BCR: variants seen among roughly 807,000 people sequenced by gnomAD.
The protein encoded by BCR is BCR activator of RhoGEF and GTPase.
In BCR, 58 loss-of-function variants were observed where a neutral mutation model predicts 138.6. The observed-to-expected ratio is 0.42, with a 90% CI of 0.34 to 0.52. BCR has a LOEUF of 0.52. Among genes scored for constraint, BCR ranks in the 20% least tolerant of loss-of-function variants. The pLI is 0.06. For synonymous variants in BCR, 786 were observed against 730.1 expected (o/e 1.08, Z -1.23); for missense variants, 1,599 against 1,727.2 (o/e 0.93, Z 1.32).
chr22:23,303,315 G>C (rs2073923195), intron 16 of BCR, among the ~76,000 whole-genome samples: 1 of 152,186 alleles, frequency 6.6e-6, no homozygotes, highest in Admixed American at 6.5e-5. Flanking sequence ...ACGTCACAGG[G>C]GACGTGATGG....
At chr22:23,193,312 T>C (rs2267011) in intron 1 of BCR, among the ~76,000 whole-genome samples, 44,149 of 152,174 alleles carry the variant, frequency 0.29, 6,512 homozygotes, top group East Asian at 0.35. Context: ...CACTGTGTGG[T>C]CTTGCACAGG....
At chr22:23,259,045 C>T (rs1327169695) in intron 2 of BCR, among the ~76,000 whole-genome samples, 2 of 152,244 alleles carry the variant, frequency 1.3e-5, no homozygotes, top group African/African-American at 4.8e-5. Context: ...TGAGGTGCTG[C>T]CATGGGCATG....
At chr22:23,253,676 C>T (rs747393477) in intron 1 of BCR, 123 bp from the exon 2 acceptor site, 11 of 1,159,502 alleles carry the variant, frequency 9.5e-6, no homozygotes, top group Admixed American at 4.8e-5. Flanking sequence ...TCAGCATACC[C>T]GAGGTCGTTG....
At chr22:23,231,425 G>T (rs1388054031) in intron 1 of BCR, among the ~76,000 whole-genome samples, 1 of 151,704 alleles carries the variant, frequency 6.6e-6, no homozygotes, top group Non-Finnish European at 1.5e-5. Context: ...AAGATTGCTT[G>T]AGCCCCAGGA....
rs777984327 is a variant in BCR at position 23,180,936 on chromosome 22, C to A, written c.-25C>A. On this transcript the variant is annotated 5_prime_UTR_variant, in exon 1 of 23. Coordinates refer to ENST00000305877, the MANE Select transcript of BCR (RefSeq NM_004327.4). ...GAGACGGGCCCCGCGCGCAGCCCGGCGGCGCAGGTAAGGCCGGCCGCGCCA... is the reference window on the plus strand; with the variant it reads ...GAGACGGGCCCCGCGCGCAGCCCGGAGGCGCAGGTAAGGCCGGCCGCGCCA... 160 of 1,169,446 alleles carry A rather than the reference C, an allele frequency of 1.4e-4. No homozygotes were observed. Among genetic ancestry groups the A allele is most frequent in the Non-Finnish European group, 1.6e-4 (152 of 938,658 alleles). 72.4% of individuals were successfully genotyped at this position (1,169,446 alleles called of 1,614,324 possible).
intron 1 of BCR, among the ~76,000 whole-genome samples, chr22:23,247,706 G>A (rs1240823110): frequency 5.9e-5 from 9 of 152,208 alleles, no homozygotes; most frequent in Admixed American, 4.6e-4. Flanking sequence ...TCACATGGCC[G>A]ATGGTCTGAG....
chr22:23,287,996 G>C, intron 11 of BCR, 101 bp from the exon 12 acceptor site: 1 of 1,158,080 alleles, frequency 8.6e-7, no homozygotes, highest in Non-Finnish European at 1.3e-6. Flanking sequence ...GCTCCAGCCG[G>C]CTGGAGATAC....
chr22:23,285,252 A>G (rs541542239), intron 10 of BCR, 51 bp downstream of exon 10: 2 of 1,558,216 alleles, frequency 1.3e-6, no homozygotes, highest in East Asian at 2.3e-5. Flanking sequence ...GAGTGGCAGC[A>G]GCCCCCGCAC....
intron 1 of BCR, among the ~76,000 whole-genome samples, chr22:23,219,851 T>A: frequency 6.6e-6 from 1 of 152,352 alleles, no homozygotes; most frequent in Middle Eastern, 3.4e-3. Flanking sequence ...CCGACCTGCA[T>A]GTAACCTGTT....
chr22:23,287,388 T>C, intron 11 of BCR, 110 bp downstream of exon 11: 1 of 1,417,938 alleles, frequency 7.1e-7, no homozygotes, highest in East Asian at 2.5e-5. Flanking sequence ...GAGAGAGGCA[T>C]GTCCGGCATG....
Position 23,235,541 on chromosome 22 carries a change from C to T in BCR, c.1280-18258C>T, listed in dbSNP as rs1468936199. Among the ~76,000 whole-genome samples, 4 of 109,352 alleles carry T rather than the reference C, an allele frequency of 3.7e-5. 1 individual carries two copies. The highest frequency in any genetic ancestry group is 6.5e-4 in the South Asian group (2 of 3,072). 71.7% of individuals were successfully genotyped at this position (109,352 alleles called of 152,430 possible). A position where few individuals can be genotyped will look rare whatever the true frequency, so the allele number is the denominator to read the frequency against. The stretch of plus-strand genomic sequence containing the variant: ...TAGATGTCCAGGCCCATGTGTTCCA[C>T]GGCATAATGTGGGGACTGCAGAGAG... On this transcript the variant is annotated intron_variant, in intron 1 of 22. Transcript: ENST00000305877.
intron 1 of BCR, among the ~76,000 whole-genome samples, chr22:23,188,681 G>A (rs560671956): frequency 3.3e-5 from 5 of 152,220 alleles, no homozygotes; most frequent in Admixed American, 1.3e-4. Flanking sequence ...GTCAAGACTC[G>A]GGGTGGTGGT....
chr22:23,244,332 A>G lies in BCR; in HGVS notation c.1280-9467A>G, dbSNP rs534282321. On this transcript the variant is annotated intron_variant, in intron 1 of 22. Coordinates refer to ENST00000305877, the MANE Select transcript of BCR (RefSeq NM_004327.4). ...TCTGCAAAAAGACTCTTTCCAGGTA[A>G]GGTCGCATTCGCAGATTCTAGGGTT... is the stretch of plus-strand genomic sequence containing the variant. Among the ~76,000 whole-genome samples the G allele has an allele frequency of 3.3e-5, 5 of 152,300 alleles. No homozygotes were observed. In the East Asian group the frequency reaches 9.6e-4, roughly 29 times the overall value.
At chr22:23,201,340 T>A (rs950133290) in intron 1 of BCR, among the ~76,000 whole-genome samples, 1 of 152,244 alleles carries the variant, frequency 6.6e-6, no homozygotes, top group Non-Finnish European at 1.5e-5. Context: ...CTGGCAGTTG[T>A]AGGACTGAGT....
intron 1 of BCR, among the ~76,000 whole-genome samples, chr22:23,224,731 A>C (rs1019069831): frequency 1.3e-5 from 2 of 152,054 alleles, no homozygotes; most frequent in African/African-American, 4.8e-5. Context: ...AGAATACAAA[A>C]ATCAGCCAGG....
At chr22:23,305,020 A>G (rs2073942165) in intron 16 of BCR, among the ~76,000 whole-genome samples, 2 of 152,000 alleles carry the variant, frequency 1.3e-5, no homozygotes, top group Admixed American at 1.3e-4. Flanking sequence ...GGGCTGAGGC[A>G]AGAGAATGGT....
chr22:23,272,368 G>A (rs2073519143), intron 6 of BCR, among the ~76,000 whole-genome samples: 1 of 152,232 alleles, frequency 6.6e-6, no homozygotes, highest in Non-Finnish European at 1.5e-5. Context: ...AATGAAAATA[G>A]CGATGAGTGC....
chr22:23,315,466 G>A lies in BCR; in HGVS notation c.3760G>A (p.Ala1254Thr). ...QVLLYFLQLE[A>T]IPAPDSKRQS... Reference sequence around the variant, plus strand: ...GCTGCTGTACTTCCTGCAGCTGGAGGCCATCCCTGCCCCGGACAGCAAGAG... The same window carrying A: ...GCTGCTGTACTTCCTGCAGCTGGAGACCATCCCTGCCCCGGACAGCAAGAG... Residue 1254 changes from alanine to threonine, a missense_variant, in exon 23 of 23, where the codon GCC becomes ACC. Around this residue, in one of 4 missense-constraint regions of BCR, gnomAD observed 177 missense variants for 226.4 expected, o/e 0.78. Coordinates refer to ENST00000305877, the MANE Select transcript of BCR (RefSeq NM_004327.4). 6.2e-7 allele frequency: 1 copy of A among 1,613,184 alleles called. No individual in the cohort carries two copies. The highest frequency in any genetic ancestry group is 8.5e-7 in the Non-Finnish European group (1 of 1,179,996).
chr22:23,183,600 C>T (rs929164359), intron 1 of BCR, among the ~76,000 whole-genome samples: 3 of 152,254 alleles, frequency 2.0e-5, no homozygotes, highest in Non-Finnish European at 4.4e-5. Context: ...GCAGGCACAT[C>T]AGCTCGTTCG....
Sources: allele counts gnomAD v4.1 joint callset (sites outside exome capture counted in the v4.1 genomes callset), GRCh38; gene constraint gnomAD v4.1.1; regional missense constraint gnomAD v4.1.1; transcripts MANE v1.5; gene names NCBI Gene and HGNC (gene_info 2026-07-23, HGNC 2026-07-21).